PPFIBP2: variants seen among roughly 807,000 people sequenced by gnomAD.
PPFIBP2 encodes the protein liprin-beta-2.
A neutral mutation model predicts 118.3 loss-of-function variants in PPFIBP2; 118 were observed. The ratio of observed to expected loss-of-function variants is 1.00; its 90% CI spans 0.86 to 1.16. PPFIBP2 has a LOEUF of 1.16. Ranked by LOEUF, PPFIBP2 falls within the 50% of genes most tolerant of loss-of-function variation. PPFIBP2 has a pLI of 0.00. For missense variants in PPFIBP2, 1,195 were observed against 1,073.1 expected, an observed-to-expected ratio of 1.11 and a Z score of -1.59; for synonymous variants, 414 against 397.4, an observed-to-expected ratio of 1.04 and a Z score of -0.50.
At chr11:7,571,361 A>G (rs1216102130) in intron 3 of PPFIBP2, among the ~76,000 whole-genome samples, 2 of 152,236 alleles carry the variant, frequency 1.3e-5, no homozygotes, top group East Asian at 3.9e-4. Flanking sequence ...TCAGCTTGCA[A>G]TCTTTCATTC....
At chr11:7,598,328 C>T (rs1437434646) in intron 5 of PPFIBP2, 3 of 258,842 alleles carry the variant, frequency 1.2e-5, no homozygotes, top group Non-Finnish European at 2.3e-5. Context: ...GTCATCTTTA[C>T]TATCACCTAT....
chr11:7,565,804 G>T (rs1278437019), intron 3 of PPFIBP2, 37 bp downstream of exon 3: 5 of 1,601,626 alleles, frequency 3.1e-6, no homozygotes, highest in Non-Finnish European at 4.3e-6. Flanking sequence ...AACCACTGGG[G>T]AATGTAATGG....
At chr11:7,524,284 C>G (rs1490606315) in intron 1 of PPFIBP2, among the ~76,000 whole-genome samples, 5 of 152,178 alleles carry the variant, frequency 3.3e-5, no homozygotes, top group Non-Finnish European at 5.9e-5. Context: ...AAGAAAGCCT[C>G]TATCTTCAGG....
downstream of PPFIBP2, chr11:7,657,110 A>C (rs71474921): frequency 0.22 from 53,581 of 241,670 alleles, 6,311 homozygotes; most frequent in African/African-American, 0.28. Context: ...ATGGCTCGTG[A>C]TATTCCTGGT....
chr11:7,572,553 C>G (rs934796577), intron 3 of PPFIBP2, among the ~76,000 whole-genome samples: 3 of 152,282 alleles, frequency 2.0e-5, no homozygotes, highest in Admixed American at 1.3e-4. Context: ...TGCTTCAGGC[C>G]CAGGGGCCGT....
intron 3 of PPFIBP2, among the ~76,000 whole-genome samples, chr11:7,568,548 G>A (rs1399677684): frequency 1.3e-5 from 2 of 152,186 alleles, no homozygotes; most frequent in Non-Finnish European, 2.9e-5. Context: ...GTTCACCTGT[G>A]CATACCCTAG....
chr11:7,633,022 T>C, intron 12 of PPFIBP2, 88 bp downstream of exon 12: 2 of 1,223,978 alleles, frequency 1.6e-6, no homozygotes, highest in Non-Finnish European at 1.2e-6. Context: ...CCGTGAATGG[T>C]GAGCATGGCC....
intron 3 of PPFIBP2, among the ~76,000 whole-genome samples, chr11:7,580,693 T>G (rs1370045697): frequency 1.3e-5 from 2 of 152,192 alleles, no homozygotes; most frequent in African/African-American, 4.8e-5. Context: ...AGCTGTGTGA[T>G]CCAAGGTAAA....
chr11:7,651,692 A>G lies in PPFIBP2; in HGVS notation c.2284A>G (p.Met762Val), dbSNP rs150142575. Residue 762 changes from methionine (M) to valine (V), a missense_variant, in exon 23 of 24, where the codon ATG (methionine) becomes GTG (valine). Physicochemically the swap from Met to Val is conservative, Grantham distance 21 (BLOSUM62 1). Transcript: ENST00000299492. ...ACGCTTCACTGGGGACACCCTGGCT[A>G]TGCTTCTCAACATCCCCCCACAAAA... Reference protein sequence around the residue: ...EPRFTGDTLAMLLNIPPQKTL... With the variant: ...EPRFTGDTLAVLLNIPPQKTL... 7 of 1,613,274 alleles carry G rather than the reference A, an allele frequency of 4.3e-6. No individual in the cohort carries two copies. The South Asian group carries it at 5.5e-5, about 13-fold the overall frequency.
At chr11:7,569,264 G>A (rs191130337) in intron 3 of PPFIBP2, among the ~76,000 whole-genome samples, 112 of 152,364 alleles carry the variant, frequency 7.4e-4, no homozygotes, top group African/African-American at 2.5e-3. Context: ...GGCCAGCACA[G>A]TTGGCAGAAG....
chr11:7,554,597 G>A (rs986222181), intron 2 of PPFIBP2, among the ~76,000 whole-genome samples: 6 of 152,218 alleles, frequency 3.9e-5, no homozygotes, highest in Admixed American at 1.3e-4. Context: ...ATCCTAATGC[G>A]CAAGTGGTAA....
the PPFIBP2 span, chr11:7,666,845 C>T: frequency 7.1e-6 from 2 of 280,364 alleles, no homozygotes; most frequent in South Asian, 4.4e-5. Context: ...GCCAGGATGG[C>T]TTCACTCGGA....
At chr11:7,626,799 C>T (rs1009122942) in intron 8 of PPFIBP2, among the ~76,000 whole-genome samples, 2 of 152,242 alleles carry the variant, frequency 1.3e-5, no homozygotes, top group Admixed American at 6.5e-5. Context: ...TATAGTCCTA[C>T]GGATTGGTGC....
At chr11:7,638,934 A>C (rs1227742238) in intron 14 of PPFIBP2, among the ~76,000 whole-genome samples, 1 of 152,244 alleles carries the variant, frequency 6.6e-6, no homozygotes, top group African/African-American at 2.4e-5. Context: ...TAAGTTCCCA[A>C]AGGAGCTTTG....
the PPFIBP2 span, chr11:7,665,981 G>T: frequency 7.1e-7 from 1 of 1,412,744 alleles, no homozygotes; most frequent in Non-Finnish European, 9.7e-7. Context: ...TGTGAGAGGC[G>T]CGCCTGTGGG....
intron 8 of PPFIBP2, among the ~76,000 whole-genome samples, chr11:7,626,724 A>T (rs1850062576): frequency 6.6e-6 from 1 of 152,252 alleles, no homozygotes; most frequent in African/African-American, 2.4e-5. Flanking sequence ...CCATGTATAC[A>T]AAGTGATCAT....
At chr11:7,551,404 A>G (rs1349624779) in intron 2 of PPFIBP2, among the ~76,000 whole-genome samples, 2 of 152,206 alleles carry the variant, frequency 1.3e-5, no homozygotes, top group African/African-American at 2.4e-5. Flanking sequence ...GTCAAAGGTC[A>G]TTTGATTATA....
intron 10 of PPFIBP2, 125 bp from the exon 11 acceptor site, chr11:7,630,800 C>CTG: frequency 4.1e-6 from 3 of 730,256 alleles, no homozygotes; most frequent in Non-Finnish European, 7.2e-6. Flanking sequence ...CACACTCTTA[C>CTG]TGTCCCTTTA....
chr11:7,546,771 C>T (rs562299570), intron 1 of PPFIBP2, among the ~76,000 whole-genome samples: 1 of 152,372 alleles, frequency 6.6e-6, no homozygotes, highest in Non-Finnish European at 1.5e-5. Flanking sequence ...ACACTCTCTG[C>T]CTGGAACAGC....
Sources: allele counts gnomAD v4.1 joint callset (sites outside exome capture counted in the v4.1 genomes callset), GRCh38; gene constraint gnomAD v4.1.1; transcripts MANE v1.5; gene names NCBI Gene and HGNC (gene_info 2026-07-23, HGNC 2026-07-21).